PKHD1: variants seen among roughly 807,000 people sequenced by gnomAD.
PKHD1 encodes the protein fibrocystin.
PKHD1 carries 291 observed loss-of-function variants against 412.0 expected under a neutral mutation model. The observed-to-expected ratio is 0.71, with a 90% CI of 0.64 to 0.78. The LOEUF (loss-of-function observed/expected upper bound fraction) is 0.78. Among genes scored for constraint, PKHD1 ranks in the 30% least tolerant of loss-of-function variants. The pLI, the probability that PKHD1 is intolerant of heterozygous loss-of-function variation, is 0.00. For synonymous variants in PKHD1, 1,777 were observed against 1,821.5 expected, an observed-to-expected ratio of 0.98 and a Z score of 0.62; for missense variants, 4,825 against 4,950.7, an observed-to-expected ratio of 0.97 and a Z score of 0.76.
intron 63 of PKHD1, among the ~76,000 whole-genome samples, chr6:51,647,453 G>A (rs926956793): frequency 1.3e-5 from 2 of 152,166 alleles, no homozygotes; most frequent in African/African-American, 4.8e-5. Flanking sequence ...TTCAAGGAAA[G>A]TAAGTGGAGC....
intron 50 of PKHD1, 139 bp from the exon 51 acceptor site, chr6:51,836,608 G>C: frequency 1.5e-6 from 1 of 681,904 alleles, no homozygotes. Flanking sequence ...ATCCTTGTTA[G>C]TTAATCTAAC....
chr6:51,747,159 T>A (rs1243935516), intron 58 of PKHD1, among the ~76,000 whole-genome samples: 1 of 152,174 alleles, frequency 6.6e-6, no homozygotes, highest in African/African-American at 2.4e-5. Flanking sequence ...TCAAAATCCA[T>A]TCATTTTACA....
intron 35 of PKHD1, among the ~76,000 whole-genome samples, chr6:51,977,506 C>A (rs984196961): frequency 6.6e-6 from 1 of 152,176 alleles, no homozygotes; most frequent in African/African-American, 2.4e-5. Flanking sequence ...AAAGCCAGGT[C>A]ATTCCTCTTT....
At chr6:51,654,126 A>G (rs577077177) in intron 61 of PKHD1, among the ~76,000 whole-genome samples, 1 of 152,316 alleles carries the variant, frequency 6.6e-6, no homozygotes, top group African/African-American at 2.4e-5. Flanking sequence ...ATATTGAATG[A>G]TAATTTATTG....
intron 52 of PKHD1, among the ~76,000 whole-genome samples, chr6:51,796,319 G>A (rs887687437): frequency 6.6e-6 from 1 of 151,912 alleles, no homozygotes; most frequent in African/African-American, 2.4e-5. Flanking sequence ...TTCCCTGAGG[G>A]TTGTTTGTGT....
chr6:51,838,659 T>C (rs1477100549), intron 50 of PKHD1, among the ~76,000 whole-genome samples: 2 of 152,086 alleles, frequency 1.3e-5, no homozygotes, highest in Admixed American at 1.3e-4. Context: ...GGCAGATGAG[T>C]ATGAGACAGA....
chr6:51,988,047 A>C lies in PKHD1; in HGVS notation c.5751+22262T>G, dbSNP rs544059186. On this transcript the variant is annotated intron_variant, in intron 35 of 66. Transcript: ENST00000371117. ...ATATAACAGGTGTTTGGTAAGTATC[A>C]TTGTTCACTTCTTGCCTTTCTCAAC... Among the ~76,000 whole-genome samples the C allele has an allele frequency of 2.6e-5, 4 of 152,346 alleles. No homozygotes were observed. The South Asian group carries it at 8.3e-4, about 32-fold the overall frequency.
intron 52 of PKHD1, among the ~76,000 whole-genome samples, chr6:51,808,044 A>G (rs1764116916): frequency 6.6e-6 from 1 of 152,110 alleles, no homozygotes. Flanking sequence ...TAAAAGGATG[A>G]ATTTTATGGT....
In PKHD1 at chr6:51,958,814, T is replaced by TACACACAC. The variant is rs112637668; in HGVS notation, c.5908+1048_5908+1055dup. On this transcript the variant is annotated intron_variant, in intron 36 of 66. Transcript: ENST00000371117. ...TAGTGGCATTCCCATAGCCACTAGC[T>TACACACAC]ACACACACACACACACACACACACA... Among the ~76,000 whole-genome samples, 136 of 149,640 alleles carry TACACACAC rather than the reference T, an allele frequency of 9.1e-4. 1 individual carries two copies. The highest frequency in any genetic ancestry group is 7.4e-3 in the South Asian group (35 of 4,726).
intron 52 of PKHD1, among the ~76,000 whole-genome samples, chr6:51,800,909 T>C (rs1389478044): frequency 3.3e-5 from 5 of 152,168 alleles, no homozygotes; most frequent in African/African-American, 1.2e-4. Context: ...CAAGGACTAT[T>C]TGTGGGCTTG....
chr6:51,766,916 T>C (rs1383065982), intron 55 of PKHD1, among the ~76,000 whole-genome samples: 1 of 152,132 alleles, frequency 6.6e-6, no homozygotes, highest in Non-Finnish European at 1.5e-5. Flanking sequence ...TTGCTTGTTA[T>C]GATCAGAGCA....
rs185571995 is a variant in PKHD1, at chr6:52,028,462, T to C, written c.3365-111A>G. 1,788 of 971,726 alleles carry C rather than the reference T, an allele frequency of 1.8e-3. 11 individuals carry two copies. The highest frequency in any genetic ancestry group is 0.016 in the Middle Eastern group (53 of 3,280). 60.2% of individuals were successfully genotyped at this position (971,726 alleles called of 1,614,324 possible). On this transcript the variant is annotated intron_variant, in intron 29 of 66. Transcript: ENST00000371117. The stretch of plus-strand genomic sequence containing the variant: ...TTAAATTCACAGTCACCCCTATGCA[T>C]AATACTCTTAAGAGTTACGATACCA...
At position 52,050,277 on chromosome 6, in the gene PKHD1, C is replaced by T. The variant is rs1357517837; in HGVS notation, c.2159G>A (p.Gly720Glu). 1.9e-6 allele frequency: 3 copies of T among 1,614,128 alleles called. No individual in the cohort carries two copies. Among genetic ancestry groups the T allele is most frequent in the Non-Finnish European group, 2.5e-6 (3 of 1,179,980 alleles). The change falls in exon 22 of 67, where the codon GGA becomes GAA. Residue 720 changes from glycine (G) to glutamate (E), a missense_variant. Transcript: ENST00000371117. The stretch of plus-strand genomic sequence containing the variant: ...CAGATTGCCCCCTGGGCGAGCCGTT[C>T]CAGAATCAGCTTGAGAAACTAGAGA... ...TNVTVSQADS[G>E]TARPGGNLVE...
Position 51,659,951 on chromosome 6 carries a change from T to G in PKHD1, c.10175A>C (p.Gln3392Pro), listed in dbSNP as rs1180559060. The G allele has an allele frequency of 6.2e-7, 1 of 1,604,762 alleles. No individual in the cohort carries two copies. Among genetic ancestry groups the G allele is most frequent in the South Asian group, 1.1e-5 (1 of 90,846 alleles). The stretch of plus-strand genomic sequence containing the variant: ...CATCAGAAATTGGTATGTACATTTC[T>G]GTTCTTCTCTAAATGTACCTATAAA... ...FFNAGTFREE[Q>P]KCTYQFLMQG... The change falls in exon 61 of 67, where the codon CAG becomes CCG. Residue 3392 changes from glutamine (Q) to proline (P), a missense_variant. Physicochemically the swap from Gln to Pro is moderately conservative, Grantham distance 76. Transcript: ENST00000371117.
At chr6:51,731,624 G>C (rs1209911688) in intron 60 of PKHD1, among the ~76,000 whole-genome samples, 2 of 152,006 alleles carry the variant, frequency 1.3e-5, no homozygotes, top group African/African-American at 2.4e-5. Flanking sequence ...TCTAATCCTA[G>C]GAACCCAGGC....
At position 52,082,530 on chromosome 6, in the gene PKHD1, C is replaced by T. The variant is rs557361225; in HGVS notation, c.143G>A (p.Gly48Asp). Residue 48 changes from glycine to aspartate, a missense_variant, in exon 4 of 67, where the codon GGT becomes GAT. By Grantham distance (94) the Gly-to-Asp change is moderately conservative. Transcript: ENST00000371117. Reference protein sequence around the residue: ...ITVIFDGLELGVLYPNNGSQL... With the variant: ...ITVIFDGLELDVLYPNNGSQL... ...AGAGCCATTGTTGGGGTAAAGAACA[C>T]CCAACTCCAAACCTAACACAAGGGA... 34 of 1,614,026 alleles carry T rather than the reference C, an allele frequency of 2.1e-5. No individual in the cohort carries two copies. The Admixed American group carries it at 2.5e-4, about 12-fold the overall frequency.
At position 51,781,235 on chromosome 6, in the gene PKHD1, C is replaced by T. The variant is rs532928384; in HGVS notation, c.8441-5314G>A. On this transcript the variant is annotated intron_variant, in intron 53 of 66. Transcript: ENST00000371117. Reference sequence around the variant, plus strand: ...CTTTTAATTCCCAGTGTATATTTGACTCGCTTATTCCTAAAACATTCCTCT... The same window carrying T: ...CTTTTAATTCCCAGTGTATATTTGATTCGCTTATTCCTAAAACATTCCTCT... Among the ~76,000 whole-genome samples, 105 of 152,226 alleles carry T rather than the reference C, an allele frequency of 6.9e-4. 1 individual carries two copies. The highest frequency in any genetic ancestry group is 9.4e-4 in the Non-Finnish European group (64 of 68,014).
At position 52,066,003 on chromosome 6, in the gene PKHD1, CA is replaced by C; in HGVS notation, c.852del (p.Phe284LeufsTer35). Reference sequence around the variant, plus strand: ...GCAATGGTAACCTGGGCAGAATTGTCAAAAAAGTCTCCTGTAATTGTGATGT... The same window carrying C: ...GCAATGGTAACCTGGGCAGAATTGTCAAAAAGTCTCCTGTAATTGTGATGT... The part of the protein sequence containing the change: ...RTNITITGDF[F>X]DNSAQVTIAG... On this transcript the variant is annotated frameshift_variant, in exon 12 of 67. Transcript: ENST00000371117. LOFTEE classifies it high-confidence loss of function. 1.9e-6 allele frequency: 3 copies of C among 1,591,150 alleles called. No individual in the cohort carries two copies. The highest frequency in any genetic ancestry group is 1.3e-5 in the African/African-American group (1 of 74,178).
intron 36 of PKHD1, among the ~76,000 whole-genome samples, chr6:51,937,224 G>A (rs1787644520): frequency 3.3e-5 from 5 of 152,080 alleles, no homozygotes; most frequent in Admixed American, 3.3e-4. Context: ...CTATGACCTG[G>A]AAGCCCCCAC....
Sources: gnomAD v4.1 joint callset for allele counts (sites outside exome capture counted in the v4.1 genomes callset) on GRCh38, gnomAD v4.1.1 for gene constraint, MANE v1.5 for transcripts, NCBI Gene and HGNC (gene_info 2026-07-23, HGNC 2026-07-21) for gene names.